LAMA3: variants seen among roughly 807,000 people sequenced by gnomAD.
The protein encoded by LAMA3 is laminin subunit alpha-3.
Under a neutral mutation model 402.0 loss-of-function variants are expected in LAMA3, and 281 were observed. The observed-to-expected ratio is 0.70, with a 90% CI of 0.63 to 0.77. The LOEUF is 0.77. LAMA3 is among the 30% of genes least tolerant of loss of function. The probability of loss-of-function intolerance (pLI) is 0.00; values close to 1 mark genes in which losing one functional copy is unlikely to be tolerated. For synonymous variants in LAMA3, 1,431 were observed against 1,558.4 expected (o/e 0.92, Z 1.93); for missense variants, 3,840 against 4,215.5 (o/e 0.91, Z 2.47).
At chr18:23,761,881 A>G (rs1193170861) in intron 7 of LAMA3, among the ~76,000 whole-genome samples, 1 of 152,244 alleles carries the variant, frequency 6.6e-6, no homozygotes, top group African/African-American at 2.4e-5. Context: ...GTAATAAATA[A>G]TAATGTTAGT....
Position 23,871,632 on chromosome 18 carries a change from C to T in LAMA3, c.4969C>T (p.Pro1657Ser), listed in dbSNP as rs2064524327. The T allele has an allele frequency of 6.2e-7, 1 of 1,611,920 alleles. No individual in the cohort carries two copies. Among genetic ancestry groups the T allele is most frequent in the Non-Finnish European group, 8.5e-7 (1 of 1,178,964 alleles). Residue 1657 changes from proline (P) to serine (S), a missense_variant, in exon 38 of 75, where the codon CCC becomes TCC. This residue lies in a region of LAMA3 where 2,109 missense variants were observed against 2,376.0 expected (regional missense o/e 0.89). Coordinates refer to ENST00000313654, the MANE Select transcript of LAMA3 (RefSeq NM_198129.4). ...IALAVEICAC[P>S]PAYAGDSCQG... is the part of the protein sequence containing the mutation. ...ACTTGCTGTGGAAATCTGTGCCTGC[C>T]CCCCTGCCTACGCTGGTGACTCTTG...
At chr18:23,777,780 A>C (rs1459803315) in intron 11 of LAMA3, among the ~76,000 whole-genome samples, 161 bp downstream of exon 11, 1 of 152,140 alleles carries the variant, frequency 6.6e-6, no homozygotes, top group Non-Finnish European at 1.5e-5. Context: ...CCCACCCATC[A>C]GTCCCCACTC....
At chr18:23,706,356 G>A (rs796482579) in intron 1 of LAMA3, among the ~76,000 whole-genome samples, 10 of 152,224 alleles carry the variant, frequency 6.6e-5, no homozygotes, top group African/African-American at 2.4e-4. Context: ...GTAGAATGCC[G>A]TATCATAGGA....
intron 34 of LAMA3, among the ~76,000 whole-genome samples, chr18:23,860,856 G>C (rs1229689230): frequency 1.3e-5 from 2 of 151,664 alleles, no homozygotes; most frequent in Non-Finnish European, 2.9e-5. Context: ...ACCACACCCG[G>C]CTAATTTTTA....
In LAMA3 at chr18:23,810,382, C is replaced by G. The variant is rs376422353; in HGVS notation, c.1620C>G (p.Ala540=). 6.2e-7 allele frequency: 1 copy of G among 1,614,132 alleles called. No individual in the cohort carries two copies. The highest frequency in any genetic ancestry group is 1.3e-5 in the African/African-American group (1 of 75,016). Residue 540 remains alanine, a synonymous_variant, in exon 13 of 75, where the codon GCC becomes GCG. Coordinates refer to ENST00000313654, the MANE Select transcript of LAMA3 (RefSeq NM_198129.4). The stretch of plus-strand genomic sequence containing the variant: ...TTCATCCAGCCTGCTGGTGTTCAGC[C>G]CTTGGATCCTACCAGATGCCCTGCA... The part of the protein sequence containing the change: ...FPICQACWCS[A]LGSYQMPCSS...
At chr18:23,811,351 G>T (rs2063065518) in intron 13 of LAMA3, among the ~76,000 whole-genome samples, 2 of 152,190 alleles carry the variant, frequency 1.3e-5, no homozygotes, top group Admixed American at 1.3e-4. Context: ...TGGTTTCTCA[G>T]ACCCCTTCCT....
intron 47 of LAMA3, among the ~76,000 whole-genome samples, chr18:23,900,247 T>C (rs1244058695): frequency 6.6e-6 from 1 of 152,144 alleles, no homozygotes; most frequent in African/African-American, 2.4e-5. Flanking sequence ...ATTTTTATAT[T>C]TTTAGTAGAG....
At chr18:23,892,168 G>A (rs1348267781) in intron 42 of LAMA3, among the ~76,000 whole-genome samples, 1 of 152,126 alleles carries the variant, frequency 6.6e-6, no homozygotes, top group Non-Finnish European at 1.5e-5. Flanking sequence ...TTAAAAGGAG[G>A]CAATTTCTCC....
rs141628084 is a variant in LAMA3 at position 23,752,253 on chromosome 18, G to A, written c.855+1165G>A. Among the ~76,000 whole-genome samples, 446 of 152,150 alleles carry A rather than the reference G, an allele frequency of 2.9e-3. 2 individuals carry two copies. The highest frequency in any genetic ancestry group is 0.01 in the African/African-American group (431 of 41,504). On this transcript the variant is annotated intron_variant, in intron 5 of 74. Coordinates refer to ENST00000313654, the MANE Select transcript of LAMA3 (RefSeq NM_198129.4). ...CTGGACTTTCTCATAAACTATAGCC[G>A]GGCTGTGTTTCTGTTCCTCCATGTG...
intron 2 of LAMA3, among the ~76,000 whole-genome samples, chr18:23,730,093 T>C (rs2061365906): frequency 2.0e-5 from 3 of 152,170 alleles, no homozygotes; most frequent in South Asian, 4.1e-4. Flanking sequence ...AAAACAAAAA[T>C]GTATGGACCC....
intron 8 of LAMA3, among the ~76,000 whole-genome samples, chr18:23,764,095 G>C (rs1430853232): frequency 2.0e-5 from 3 of 152,060 alleles, no homozygotes; most frequent in Non-Finnish European, 4.4e-5. Flanking sequence ...TTATGAATTT[G>C]GTCTACATTG....
At chr18:23,946,490 C>G (rs773583222) in intron 70 of LAMA3, 1 of 622,224 alleles carries the variant, frequency 1.6e-6, no homozygotes, top group Non-Finnish European at 2.8e-6. Flanking sequence ...CAGGTTGAGA[C>G]GCAGGCCCTG....
chr18:23,823,189 C>T (rs547391356), intron 20 of LAMA3, among the ~76,000 whole-genome samples: 1 of 152,278 alleles, frequency 6.6e-6, no homozygotes, highest in African/African-American at 2.4e-5. Context: ...AACTAGCAGG[C>T]TTACTTCATC....
Position 23,879,390 on chromosome 18 carries a change from A to G in LAMA3, c.5113-2546A>G, listed in dbSNP as rs1370376071. Among the ~76,000 whole-genome samples, 1 of 152,118 alleles carries G rather than the reference A, an allele frequency of 6.6e-6. No individual in the cohort carries two copies. The highest frequency in any genetic ancestry group is 1.5e-5 in the Non-Finnish European group (1 of 68,026). Reference sequence around the variant, plus strand: ...ATGCCCTTCCCTCACTTCTGCGCTCAGTGAATCCCTGTCCTTCTGCGGCCC... The same window carrying G: ...ATGCCCTTCCCTCACTTCTGCGCTCGGTGAATCCCTGTCCTTCTGCGGCCC... On this transcript the variant is annotated intron_variant, in intron 39 of 74. Coordinates refer to ENST00000313654, the MANE Select transcript of LAMA3 (RefSeq NM_198129.4). The surrounding 1 kb of genome is among the most constrained non-coding windows in gnomAD (Gnocchi z 4.2).
chr18:23,939,368 A>T lies in LAMA3; in HGVS notation c.9008A>T (p.Gln3003Leu), dbSNP rs769667146. The stretch of plus-strand genomic sequence containing the variant: ...AGCCACTTGCTATTCAAGCTTCCTC[A>T]GGAGCTGCTGAAACCCAGGTATTAT... ...PTSHLLFKLP[Q>L]ELLKPRSQFA... is the part of the protein sequence containing the mutation. Residue 3003 changes from glutamine to leucine, a missense_variant, in exon 68 of 75, where the codon CAG becomes CTG. Gln to Leu is a moderately radical substitution (Grantham distance 113). Transcript: ENST00000313654. 6.2e-7 allele frequency: 1 copy of T among 1,614,200 alleles called. No homozygotes were observed. Among genetic ancestry groups the T allele is most frequent in the Admixed American group, 1.7e-5 (1 of 60,032 alleles).
intron 40 of LAMA3, among the ~76,000 whole-genome samples, chr18:23,884,129 A>G (rs1220941869): frequency 6.6e-6 from 1 of 150,406 alleles, no homozygotes; most frequent in Non-Finnish European, 1.5e-5. Context: ...ATCATCACTT[A>G]TTGCTTCTCA....
At chr18:23,892,978 G>A (rs1281722876) in intron 42 of LAMA3, among the ~76,000 whole-genome samples, 1 of 149,284 alleles carries the variant, frequency 6.7e-6, no homozygotes, top group African/African-American at 2.5e-5. Flanking sequence ...AAATTAAAAT[G>A]TATATAAATA....
chr18:23,758,590 C>A, intron 7 of LAMA3, 79 bp downstream of exon 7: 3 of 1,064,956 alleles, frequency 2.8e-6, no homozygotes, highest in Non-Finnish European at 4.3e-6. Context: ...TTTCCCCATG[C>A]TAGAGAAGAG....
At position 23,689,724 on chromosome 18, in the gene LAMA3, C is replaced by T; in HGVS notation, c.41C>T (p.Pro14Leu). ...CGGCCTCGGGGTCGGGCACTGGGGC[C>T]AGTACTGCCGCCGACGCCGCTGCTC... Reference protein sequence around the residue: ...AARPRGRALGPVLPPTPLLLL... With the variant: ...AARPRGRALGLVLPPTPLLLL... Residue 14 changes from proline (P) to leucine (L), a missense_variant, in exon 1 of 75, where the codon CCA (proline) becomes CTA (leucine). By Grantham distance (98) the Pro-to-Leu change is moderately conservative. Transcript: ENST00000313654. The T allele has an allele frequency of 2.7e-6, 4 of 1,472,946 alleles. No homozygotes were observed. Among genetic ancestry groups the T allele is most frequent in the Non-Finnish European group, 3.6e-6 (4 of 1,116,574 alleles). 91.2% of individuals were successfully genotyped at this position (1,472,946 alleles called of 1,614,324 possible). A position where few individuals can be genotyped will look rare whatever the true frequency, so the allele number is the denominator to read the frequency against.
Sources: gnomAD v4.1 joint callset for allele counts (sites outside exome capture counted in the v4.1 genomes callset) on GRCh38, gnomAD v4.1.1 for gene constraint, gnomAD v4.1.1 regional missense constraint, Gnocchi (gnomAD v3.1) non-coding constraint, MANE v1.5 for transcripts, NCBI Gene and HGNC (gene_info 2026-07-23, HGNC 2026-07-21) for gene names.